LDB2: variants seen among roughly 807,000 people sequenced by gnomAD.
LDB2 encodes the protein LIM domain binding 2, also known as LIM domain-binding protein 2.
A neutral mutation model predicts 44.3 loss-of-function variants in LDB2; 12 were observed. That is an observed-to-expected ratio of 0.27 (90% CI 0.17 to 0.44). The LOEUF is 0.44. LDB2 is among the 20% of genes least tolerant of loss of function. LDB2 has a pLI of 1.00. For missense variants in LDB2, 344 were observed against 473.5 expected (o/e 0.73, Z 2.54); for synonymous variants, 164 against 174.8 (o/e 0.94, Z 0.49).
chr4:16,604,527 A>T (rs562567205), intron 2 of LDB2, among the ~76,000 whole-genome samples: 219 of 148,418 alleles, frequency 1.5e-3, no homozygotes, highest in South Asian at 2.7e-3. Context: ...AAATATATAT[A>T]TTTATATATA....
At chr4:16,509,535 T>A in intron 6 of LDB2, among the ~76,000 whole-genome samples, 1 of 152,352 alleles carries the variant, frequency 6.6e-6, no homozygotes, top group African/African-American at 2.4e-5. Flanking sequence ...TTTGTTTGTT[T>A]ACTTATAAGG....
chr4:16,844,024 G>A (rs1580163155), intron 1 of LDB2, among the ~76,000 whole-genome samples: 1 of 150,140 alleles, frequency 6.7e-6, no homozygotes, highest in South Asian at 2.1e-4. Context: ...AGCCTAAAAT[G>A]GGAGGACGGG....
chr4:16,814,386 A>G (rs934953170), intron 1 of LDB2, among the ~76,000 whole-genome samples: 11 of 152,202 alleles, frequency 7.2e-5, no homozygotes, highest in Non-Finnish European at 2.9e-5. Flanking sequence ...CTTGAATAGC[A>G]GGACACAAGT....
intron 5 of LDB2, among the ~76,000 whole-genome samples, chr4:16,567,982 C>G (rs191029219): frequency 6.6e-6 from 1 of 151,982 alleles, no homozygotes; most frequent in Non-Finnish European, 1.5e-5. Flanking sequence ...TGGAAAGTGA[C>G]GGTGAGAAAT....
intron 1 of LDB2, among the ~76,000 whole-genome samples, chr4:16,802,144 T>A (rs1777949995): frequency 6.6e-6 from 1 of 151,932 alleles, no homozygotes; most frequent in African/African-American, 2.4e-5. Flanking sequence ...CATCACCAAC[T>A]GCCCCATCTC....
chr4:16,815,269 C>T (rs975431733), intron 1 of LDB2, among the ~76,000 whole-genome samples: 25 of 152,116 alleles, frequency 1.6e-4, no homozygotes, highest in Non-Finnish European at 3.2e-4. Context: ...AGGCCAAATA[C>T]TTCAGATTAA....
intron 2 of LDB2, among the ~76,000 whole-genome samples, chr4:16,758,385 T>C (rs556563744): frequency 2.7e-4 from 41 of 152,318 alleles, no homozygotes; most frequent in Non-Finnish European, 5.7e-4. Flanking sequence ...ATGTTTTTCC[T>C]CTGATGGATT....
intron 2 of LDB2, among the ~76,000 whole-genome samples, chr4:16,704,440 T>C (rs1008099618): frequency 6.6e-6 from 1 of 152,206 alleles, no homozygotes; most frequent in African/African-American, 2.4e-5. Flanking sequence ...ATGGGGAGTA[T>C]AAACTGCCCA....
chr4:16,693,748 G>T (rs1418154576), intron 2 of LDB2, among the ~76,000 whole-genome samples: 1 of 152,176 alleles, frequency 6.6e-6, no homozygotes, highest in Admixed American at 6.5e-5. Context: ...CCATGCCACT[G>T]TGCAATGCGA....
At chr4:16,682,892 C>T (rs1171861827) in intron 2 of LDB2, among the ~76,000 whole-genome samples, 1 of 152,238 alleles carries the variant, frequency 6.6e-6, no homozygotes, top group East Asian at 1.9e-4. Context: ...TCTGAGCCCC[C>T]AGTAATACCT....
intron 2 of LDB2, among the ~76,000 whole-genome samples, chr4:16,725,086 G>A (rs1759131162): frequency 6.6e-6 from 1 of 152,088 alleles, no homozygotes; most frequent in African/African-American, 2.4e-5. Context: ...GCAACTGCTT[G>A]TCCACATATA....
intron 1 of LDB2, among the ~76,000 whole-genome samples, chr4:16,839,033 ATGC>A (rs1167485180): frequency 3.3e-5 from 5 of 152,240 alleles, no homozygotes; most frequent in Non-Finnish European, 7.3e-5. Flanking sequence ...GACTGTGATA[ATGC>A]TGCACCAACA....
intron 2 of LDB2, among the ~76,000 whole-genome samples, chr4:16,662,146 G>T (rs1227161623): frequency 6.6e-6 from 1 of 152,076 alleles, no homozygotes; most frequent in African/African-American, 2.4e-5. Flanking sequence ...TTTTGCCTTT[G>T]AATAGCTTGG....
chr4:16,850,980 T>C (rs199971304), intron 1 of LDB2, among the ~76,000 whole-genome samples: 1 of 46,366 alleles, frequency 2.2e-5, no homozygotes. Flanking sequence ...GTGTGTGTAT[T>C]GGGGAGTGGG....
intron 2 of LDB2, among the ~76,000 whole-genome samples, chr4:16,649,918 G>T (rs186024347): frequency 6.6e-6 from 1 of 152,128 alleles, no homozygotes. Context: ...GAAAATATCC[G>T]CAAGTAATAT....
At chr4:16,727,718 C>T (rs1759828466) in intron 2 of LDB2, among the ~76,000 whole-genome samples, 1 of 152,146 alleles carries the variant, frequency 6.6e-6, no homozygotes, top group Non-Finnish European at 1.5e-5. Context: ...TATCTAGCAT[C>T]CCACTCTTTC....
chr4:16,602,479 T>C (rs1157774827), intron 2 of LDB2, among the ~76,000 whole-genome samples: 2 of 152,060 alleles, frequency 1.3e-5, no homozygotes, highest in African/African-American at 4.8e-5. Context: ...ATGATAGAGA[T>C]GAGGTCACAG....
chr4:16,540,933 T>C (rs1733547332), intron 5 of LDB2, among the ~76,000 whole-genome samples: 1 of 152,198 alleles, frequency 6.6e-6, no homozygotes, highest in Non-Finnish European at 1.5e-5. Flanking sequence ...TTCTTCACTT[T>C]CTGTGAAATG....
chr4:16,635,929 A>G (rs1429418544), intron 2 of LDB2, among the ~76,000 whole-genome samples: 1 of 152,098 alleles, frequency 6.6e-6, no homozygotes, highest in African/African-American at 2.4e-5. Context: ...TCTGTTTTGG[A>G]GGCTCTGGTC....
Sources: allele counts gnomAD v4.1 joint callset (sites outside exome capture counted in the v4.1 genomes callset), GRCh38; gene constraint gnomAD v4.1.1; transcripts MANE v1.5; gene names NCBI Gene and HGNC (gene_info 2026-07-23, HGNC 2026-07-21).